The following ERBIN variants were observed in gnomAD, a reference collection of about 807,000 sequenced individuals.
ERBIN encodes erbb2 interacting protein.
A neutral mutation model predicts 158.4 loss-of-function variants in ERBIN; 60 were observed. The observed-to-expected ratio is 0.38, with a 90% CI of 0.31 to 0.47. The LOEUF (loss-of-function observed/expected upper bound fraction) is 0.47. ERBIN is among the 20% of genes least tolerant of loss of function. ERBIN has a pLI of 0.99. For synonymous variants in ERBIN, 594 were observed against 557.2 expected (o/e 1.07, Z -0.93); for missense variants, 1,610 against 1,648.0 (o/e 0.98, Z 0.40).
intron 15 of ERBIN, among the ~76,000 whole-genome samples, chr5:66,040,927 G>A (rs1039931298): frequency 2.0e-5 from 3 of 151,738 alleles, no homozygotes; most frequent in Non-Finnish European, 4.4e-5. Flanking sequence ...GAGATCTTGG[G>A]CCTAGGTAGA....
Position 66,008,904 on chromosome 5 carries a change from T to C in ERBIN, c.308-3145T>C, listed in dbSNP as rs1161077871. The stretch of plus-strand genomic sequence containing the variant: ...GGTCGGATCATTACTTGAAAATCAG[T>C]GTCATCCACCACATCAGTAGACATA... On this transcript the variant is annotated intron_variant, in intron 4 of 25. Coordinates refer to ENST00000284037, the MANE Select transcript of ERBIN (RefSeq NM_001253697.2). Among the ~76,000 whole-genome samples, 4 of 152,210 alleles carry C rather than the reference T, an allele frequency of 2.6e-5. No individual in the cohort carries two copies. The East Asian group carries it at 7.7e-4, about 29-fold the overall frequency.
At chr5:66,043,320 CA>C in intron 16 of ERBIN, 122 bp downstream of exon 16, 3 of 931,604 alleles carry the variant, frequency 3.2e-6, no homozygotes, top group Non-Finnish European at 3.2e-6. Context: ...GTCCTCAAGG[CA>C]CTTGAAGTGT....
chr5:66,020,907 T>TA (rs1755618870), intron 7 of ERBIN, among the ~76,000 whole-genome samples: 1 of 152,014 alleles, frequency 6.6e-6, no homozygotes, highest in African/African-American at 2.4e-5. Flanking sequence ...ACAGTTATCT[T>TA]AAAGTCTTAC....
Position 66,025,860 on chromosome 5 carries a change from A to G in ERBIN, c.903A>G (p.Val301=), listed in dbSNP as rs1580389262. The change falls in exon 12 of 26, where the codon GTA becomes GTG. Residue 301 remains valine (V), a synonymous_variant. Coordinates refer to ENST00000284037, the MANE Select transcript of ERBIN (RefSeq NM_001253697.2). ...TTTTAAATTAAAGGTTAATATCAGT[A>G]GAAGAACTGGATTGTAGTTTCAATG... is the stretch of plus-strand genomic sequence containing the variant. The part of the protein sequence containing the change: ...LPDSIGGLIS[V]EELDCSFNEV... The G allele has an allele frequency of 6.6e-7, 1 of 1,521,918 alleles. No individual in the cohort carries two copies. The highest frequency in any genetic ancestry group is 8.9e-7 in the Non-Finnish European group (1 of 1,125,224). 94.3% of individuals were successfully genotyped at this position (1,521,918 alleles called of 1,614,324 possible).
At position 66,023,372 on chromosome 5, in the gene ERBIN, T is replaced by TA; in HGVS notation, c.672+9dup. 1 of 1,581,562 alleles carries TA rather than the reference T, an allele frequency of 6.3e-7. No individual in the cohort carries two copies. The highest frequency in any genetic ancestry group is 8.6e-7 in the Non-Finnish European group (1 of 1,156,546). ...CTGACTTTTATTCCAGGGGTATGTA[T>TA]ATGAGATTTTAAATGGCATCACTTA... is the stretch of plus-strand genomic sequence containing the variant. On this transcript the variant is annotated intron_variant, in intron 9 of 25. Transcript: ENST00000284037.
chr5:65,938,216 G>A (rs1447489966), intron 1 of ERBIN, among the ~76,000 whole-genome samples: 1 of 152,008 alleles, frequency 6.6e-6, no homozygotes, highest in East Asian at 1.9e-4. Flanking sequence ...TTCATCAATT[G>A]CATTATTATC....
rs144415639 is a variant in ERBIN, at chr5:66,065,330, G to A, written c.3634-6839G>A. Among the ~76,000 whole-genome samples the A allele has an allele frequency of 6.3e-3, 945 of 149,906 alleles. 12 individuals carry two copies. Among genetic ancestry groups the A allele is most frequent in the African/African-American group, 0.022 (905 of 41,268 alleles). On this transcript the variant is annotated intron_variant, in intron 21 of 25. Transcript: ENST00000284037. ...CTAGACATACTTATTATTTCAAAGA[G>A]CAGCCCATTCCAATTCAGTGATATG...
intron 1 of ERBIN, among the ~76,000 whole-genome samples, chr5:65,932,980 A>T (rs900786773): frequency 1.3e-5 from 2 of 151,492 alleles, no homozygotes; most frequent in Admixed American, 6.6e-5. Flanking sequence ...TTTTGTAGAG[A>T]TGGGTTCTTG....
intron 1 of ERBIN, among the ~76,000 whole-genome samples, chr5:65,961,747 C>T (rs546054971): frequency 2.0e-5 from 3 of 152,164 alleles, no homozygotes; most frequent in South Asian, 2.1e-4. Context: ...TAGTCTACTT[C>T]TTTTACATTT....
Position 66,053,521 on chromosome 5 carries a change from T to C in ERBIN, c.2203T>C (p.Leu735=). 6.2e-7 allele frequency: 1 copy of C among 1,611,920 alleles called. No homozygotes were observed. Among genetic ancestry groups the C allele is most frequent in the Middle Eastern group, 1.7e-4 (1 of 6,036 alleles). ...KKDFNLPEYD[L]NVEERLVLIE... ...AGATTTTAACTTACCTGAATATGAT[T>C]TGAATGTTGAAGAGCGATTAGTTCT... The change falls in exon 21 of 26, where the codon TTG becomes CTG. Residue 735 remains leucine, a synonymous_variant. Coordinates refer to ENST00000284037, the MANE Select transcript of ERBIN (RefSeq NM_001253697.2).
At chr5:66,062,285 A>G (rs1760482982) in intron 21 of ERBIN, among the ~76,000 whole-genome samples, 1 of 151,986 alleles carries the variant, frequency 6.6e-6, no homozygotes, top group Non-Finnish European at 1.5e-5. Flanking sequence ...GCTTCATTTC[A>G]TTCATTTCGT....
At chr5:66,014,182 G>A (rs1322720870) in intron 6 of ERBIN, among the ~76,000 whole-genome samples, 2 of 152,100 alleles carry the variant, frequency 1.3e-5, no homozygotes, top group South Asian at 2.1e-4. Context: ...AATCATTGAT[G>A]TACTTGTCAG....
chr5:65,981,690 TAAG>T (rs987616744), intron 1 of ERBIN, among the ~76,000 whole-genome samples: 12 of 152,350 alleles, frequency 7.9e-5, no homozygotes, highest in African/African-American at 2.9e-4. Flanking sequence ...GTTTCTGTGT[TAAG>T]AATCTCTCCA....
chr5:66,054,613 A>G lies in ERBIN; in HGVS notation c.3295A>G (p.Ile1099Val), dbSNP rs201995478. Residue 1099 changes from isoleucine to valine, a missense_variant, in exon 21 of 26, where the codon ATT becomes GTT. Physicochemically the swap from Ile to Val is conservative, Grantham distance 29 (BLOSUM62 3). This residue lies in a region of ERBIN where 1,014 missense variants were observed against 936.1 expected (regional missense o/e 1.08). Transcript: ENST00000284037. ...GDPGSTRRAQIPEGDYLSYRE... is the reference protein window; with the variant it reads ...GDPGSTRRAQVPEGDYLSYRE... ...TCCAGGCTCTACAAGGCGGGCTCAGATTCCTGAAGGAGATTATTTATCATA... is the reference window on the plus strand; with the variant it reads ...TCCAGGCTCTACAAGGCGGGCTCAGGTTCCTGAAGGAGATTATTTATCATA... The G allele has an allele frequency of 1.3e-4, 206 of 1,614,154 alleles. 1 individual carries two copies. The East Asian group carries it at 4.5e-3, about 36-fold the overall frequency.
chr5:65,967,081 G>C (rs978860596), intron 1 of ERBIN, among the ~76,000 whole-genome samples: 6 of 152,070 alleles, frequency 3.9e-5, no homozygotes, highest in Non-Finnish European at 8.8e-5. Flanking sequence ...AGTCCAGCCT[G>C]GGTAACATAG....
intron 1 of ERBIN, among the ~76,000 whole-genome samples, chr5:65,941,570 T>C (rs375385784): frequency 2.0e-5 from 3 of 152,102 alleles, no homozygotes; most frequent in East Asian, 3.9e-4. Context: ...ATGTATATCA[T>C]TAAATGACAG....
At chr5:66,027,699 T>C (rs926621373) in intron 13 of ERBIN, among the ~76,000 whole-genome samples, 2 of 151,984 alleles carry the variant, frequency 1.3e-5, no homozygotes, top group African/African-American at 4.8e-5. Flanking sequence ...TACTATACAA[T>C]TTTATATAAG....
chr5:65,937,375 G>C (rs950965598), intron 1 of ERBIN, among the ~76,000 whole-genome samples: 2 of 152,166 alleles, frequency 1.3e-5, no homozygotes, highest in African/African-American at 2.4e-5. Context: ...ACTAGTTGTA[G>C]TGCCGTTTGT....
At chr5:65,991,224 A>G (rs1321005782) in intron 2 of ERBIN, among the ~76,000 whole-genome samples, 1 of 152,214 alleles carries the variant, frequency 6.6e-6, no homozygotes, top group Non-Finnish European at 1.5e-5. Context: ...TCCTGTCTGT[A>G]TTTTAACATT....
Sources: gnomAD v4.1 joint callset for allele counts (sites outside exome capture counted in the v4.1 genomes callset) on GRCh38, gnomAD v4.1.1 for gene constraint, gnomAD v4.1.1 regional missense constraint, MANE v1.5 for transcripts, NCBI Gene and HGNC (gene_info 2026-07-23, HGNC 2026-07-21) for gene names.